The following PAX7 variants were observed in gnomAD, a reference collection of about 807,000 sequenced individuals.
The protein encoded by PAX7 is paired box 7, also known as paired box protein Pax-7.
In PAX7, 18 loss-of-function variants were observed where a neutral mutation model predicts 50.7. The ratio of observed to expected loss-of-function variants is 0.36; its 90% CI spans 0.25 to 0.53. The LOEUF (loss-of-function observed/expected upper bound fraction) is 0.53. Among genes scored for constraint, PAX7 ranks in the 20% least tolerant of loss-of-function variants. The probability of loss-of-function intolerance (pLI) is 0.93; values close to 1 mark genes in which losing one functional copy is unlikely to be tolerated. For missense variants in PAX7, 644 were observed against 702.9 expected, an observed-to-expected ratio of 0.92 and a Z score of 0.95; for synonymous variants, 310 against 290.4, an observed-to-expected ratio of 1.07 and a Z score of -0.69.
rs1023312828 is a variant in PAX7 at position 18,748,649 on chromosome 1, G to A, written c.*3720G>A. 3.0e-5 allele frequency: 7 copies of A among 232,090 alleles called. No individual in the cohort carries two copies. The highest frequency in any genetic ancestry group is 1.1e-4 in the African/African-American group (5 of 45,220). 14.4% of individuals were successfully genotyped at this position (232,090 alleles called of 1,614,324 possible). ...GACTCACAGCCACTTTCCCCCATGC[G>A]GAAGTGAGTGGGTGTACGTGAGGGT... On this transcript the variant is annotated 3_prime_UTR_variant, in exon 9 of 9. Transcript: ENST00000420770.
At chr1:18,694,350 T>C (rs912747698) in intron 5 of PAX7, among the ~76,000 whole-genome samples, 3 of 151,730 alleles carry the variant, frequency 2.0e-5, no homozygotes, top group Non-Finnish European at 4.4e-5. Flanking sequence ...TCCCAGCTAC[T>C]CGGGAGACTG....
intron 7 of PAX7, among the ~76,000 whole-genome samples, chr1:18,720,659 G>A (rs2100367400): frequency 6.6e-6 from 1 of 151,944 alleles, no homozygotes; most frequent in African/African-American, 2.4e-5. Context: ...GGTGGGTGTG[G>A]ATGGACCCAC....
intron 4 of PAX7, among the ~76,000 whole-genome samples, chr1:18,646,951 G>A (rs1210679540): frequency 7.0e-6 from 1 of 143,070 alleles, no homozygotes; most frequent in Admixed American, 6.9e-5. Flanking sequence ...AGTCAAGAGC[G>A]GGCACGCTGG....
At chr1:18,674,528 C>A (rs2088797924) in intron 4 of PAX7, among the ~76,000 whole-genome samples, 1 of 152,192 alleles carries the variant, frequency 6.6e-6, no homozygotes, top group Admixed American at 6.5e-5. Context: ...TGTGGTCTGT[C>A]AAGAATCTGA....
rs144148977 is a variant in PAX7 at position 18,711,763 on chromosome 1, TTC to T, written c.1155+8471_1155+8472del. Among the ~76,000 whole-genome samples, 966 of 152,260 alleles carry T rather than the reference TTC, an allele frequency of 6.3e-3. 33 individuals are homozygous for T. The East Asian group carries it at 0.094, about 15-fold the overall frequency. ...CCAACACACATCCCCACACCCCTGT[TTC>T]TCTTTCTCTTCATGACCAGTGCGGT... On this transcript the variant is annotated intron_variant, in intron 7 of 8. Transcript: ENST00000420770.
rs141646447 is a variant in PAX7, at chr1:18,699,127, C to T, written c.787-1526C>T. On this transcript the variant is annotated intron_variant, in intron 5 of 8. Transcript: ENST00000420770. ...TTCGTCATTCACTCCTTCATTCATTCAACAAGTATTCCTTGAACACTTACT... is the reference window on the plus strand; with the variant it reads ...TTCGTCATTCACTCCTTCATTCATTTAACAAGTATTCCTTGAACACTTACT... Among the ~76,000 whole-genome samples, 563 of 152,330 alleles carry T rather than the reference C, an allele frequency of 3.7e-3. 6 individuals are homozygous for T. Among genetic ancestry groups the T allele is most frequent in the African/African-American group, 0.013 (522 of 41,564 alleles).
In PAX7 at chr1:18,703,153, G is replaced by T; in HGVS notation, c.1012G>T (p.Gly338Trp). The change falls in exon 7 of 9, where the codon GGG becomes TGG. Residue 338 changes from glycine (G) to tryptophan (W), a missense_variant. Physicochemically the swap from Gly to Trp is radical, Grantham distance 184. Coordinates refer to ENST00000420770, the MANE Select transcript of PAX7 (RefSeq NM_001135254.2). ...GCCACCGTCCACCATGCACCAGGGC[G>T]GGCTGGCTGCAGCGGCTGCAGCCGC... ...PLPPSTMHQGGLAAAAAAADT... is the reference protein window; with the variant it reads ...PLPPSTMHQGWLAAAAAAADT... 2.5e-6 allele frequency: 4 copies of T among 1,613,548 alleles called. No individual in the cohort carries two copies. Among genetic ancestry groups the T allele is most frequent in the South Asian group, 1.1e-5 (1 of 91,070 alleles).
At chr1:18,694,963 A>C (rs2089132443) in intron 5 of PAX7, among the ~76,000 whole-genome samples, 1 of 152,144 alleles carries the variant, frequency 6.6e-6, no homozygotes, top group African/African-American at 2.4e-5. Flanking sequence ...GGCTTCATAC[A>C]TTTTAGGTCT....
intron 7 of PAX7, among the ~76,000 whole-genome samples, chr1:18,710,087 C>T (rs764949576): frequency 6.6e-5 from 10 of 152,226 alleles, no homozygotes; most frequent in Non-Finnish European, 1.3e-4. Flanking sequence ...GACATTCCAT[C>T]AATGGCACAC....
intron 4 of PAX7, among the ~76,000 whole-genome samples, chr1:18,679,282 A>G (rs1367353851): frequency 6.6e-6 from 1 of 152,160 alleles, no homozygotes. Flanking sequence ...CCACCTCCAA[A>G]CAACTTTCCA....
intron 7 of PAX7, among the ~76,000 whole-genome samples, chr1:18,725,365 T>C (rs1557553520): frequency 6.7e-6 from 1 of 150,168 alleles, no homozygotes; most frequent in African/African-American, 2.4e-5. Context: ...ACGTCCTCCT[T>C]TTCCAACCTG....
At chr1:18,677,161 G>A (rs1224410234) in intron 4 of PAX7, among the ~76,000 whole-genome samples, 1 of 152,228 alleles carries the variant, frequency 6.6e-6, no homozygotes, top group African/African-American at 2.4e-5. Flanking sequence ...GGCAGTAGCA[G>A]GGGAAATAAC....
At chr1:18,734,159 G>A (rs12144695) in intron 7 of PAX7, among the ~76,000 whole-genome samples, 13,598 of 152,224 alleles carry the variant, frequency 0.089, 636 homozygotes, top group Middle Eastern at 0.14. Context: ...TCGGCAAAAC[G>A]ATCACTGCTC....
intron 7 of PAX7, among the ~76,000 whole-genome samples, chr1:18,724,047 G>A (rs1462279334): frequency 2.6e-5 from 4 of 152,172 alleles, no homozygotes; most frequent in Non-Finnish European, 2.9e-5. Flanking sequence ...CTCTCAATGG[G>A]GCCCAGGGTT....
At chr1:18,689,059 G>A (rs2089019095) in intron 4 of PAX7, among the ~76,000 whole-genome samples, 1 of 152,104 alleles carries the variant, frequency 6.6e-6, no homozygotes, top group Admixed American at 6.5e-5. Flanking sequence ...GACAGTCTCT[G>A]CCCAGAGACT....
At chr1:18,657,689 T>A (rs571081761) in intron 4 of PAX7, among the ~76,000 whole-genome samples, 9 of 152,270 alleles carry the variant, frequency 5.9e-5, no homozygotes, top group African/African-American at 2.2e-4. Context: ...CTGGGCTGCC[T>A]TTTAGGATCT....
At chr1:18,719,325 G>A (rs609959) in intron 7 of PAX7, among the ~76,000 whole-genome samples, 136,448 of 152,270 alleles carry the variant, frequency 0.9, 61,223 homozygotes, top group African/African-American at 0.94. Context: ...ATGAGGAGAC[G>A]GGAGACCTGG....
chr1:18,664,588 T>C (rs566971815), intron 4 of PAX7, among the ~76,000 whole-genome samples: 34 of 152,302 alleles, frequency 2.2e-4, no homozygotes, highest in Admixed American at 1.5e-3. Flanking sequence ...TGAACTAGCC[T>C]TGTCATCCCT....
intron 4 of PAX7, among the ~76,000 whole-genome samples, chr1:18,664,791 T>C (rs1043938462): frequency 1.3e-5 from 2 of 151,924 alleles, no homozygotes; most frequent in African/African-American, 4.8e-5. Flanking sequence ...GTTGTAATGC[T>C]CATTTCCCTA....
Sources: allele counts gnomAD v4.1 joint callset (sites outside exome capture counted in the v4.1 genomes callset), GRCh38; gene constraint gnomAD v4.1.1; transcripts MANE v1.5; gene names NCBI Gene and HGNC (gene_info 2026-07-23, HGNC 2026-07-21).